Variants in KLHL21 observed in about 807,000 individuals in gnomAD.
KLHL21 encodes kelch-like protein 21.
Under a neutral mutation model 44.1 loss-of-function variants are expected in KLHL21, and 42 were observed. That is an observed-to-expected ratio of 0.95 (90% confidence interval 0.74 to 1.23). KLHL21 has a LOEUF of 1.23. Among genes scored for constraint, KLHL21 ranks in the 50% most tolerant of loss-of-function variants. The probability of loss-of-function intolerance (pLI) is 0.00; values close to 1 mark genes in which losing one functional copy is unlikely to be tolerated. For synonymous variants in KLHL21, 524 were observed against 411.6 expected, an observed-to-expected ratio of 1.27 and a Z score of -3.31; for missense variants, 918 against 889.1, an observed-to-expected ratio of 1.03 and a Z score of -0.41.
rs762618704 is a variant in KLHL21, at chr1:6,593,488, G to A, written c.1671C>T (p.Ser557=). The A allele has an allele frequency of 6.2e-7, 1 of 1,613,816 alleles. No homozygotes were observed. The highest frequency in any genetic ancestry group is 1.3e-5 in the African/African-American group (1 of 75,068). Residue 557 remains serine (S), a synonymous_variant, in exon 4 of 4, where the codon AGC becomes AGT. Coordinates refer to ENST00000377658, the MANE Select transcript of KLHL21 (RefSeq NM_014851.4). ...PEPTFWHGSV[S]IFRQFMPQTF... ...TCTGGGGCATGAACTGGCGGAAGAT[G>A]CTGACACTGCCATGCCAGAAGGTGG...
At chr1:6,599,019 A>T in intron 2 of KLHL21, 28 bp downstream of exon 2, 1 of 1,543,956 alleles carries the variant, frequency 6.5e-7, no homozygotes, top group Admixed American at 1.9e-5. Flanking sequence ...CACCAAACAC[A>T]CAGTGGGGCT....
At chr1:6,598,620 C>T (rs937931224) in intron 2 of KLHL21, among the ~76,000 whole-genome samples, 8 of 151,484 alleles carry the variant, frequency 5.3e-5, no homozygotes, top group African/African-American at 1.9e-4. Context: ...CAGTGGCTCA[C>T]GCCCGTAATC....
In KLHL21 at chr1:6,592,546, C is replaced by A. The variant is rs1640864807; in HGVS notation, c.*819G>T. On this transcript the variant is annotated 3_prime_UTR_variant, in exon 4 of 4. Transcript: ENST00000377658. The stretch of plus-strand genomic sequence containing the variant: ...CCAACCACCAAAGCCACCTCCTGCC[C>A]AGGACTTCCTTTAGAAGCAGTGGGA... 1 of 152,380 alleles carries A rather than the reference C, an allele frequency of 6.6e-6. No homozygotes were observed. Among genetic ancestry groups the A allele is most frequent in the South Asian group, 2.1e-4 (1 of 4,826 alleles). The allele number at this position is 152,380 out of a possible 1,614,324, so 9.4% of individuals were successfully genotyped here. A position where few individuals can be genotyped will look rare whatever the true frequency, so the allele number is the denominator to read the frequency against.
At chr1:6,595,873 C>A (rs553434364) in intron 2 of KLHL21, among the ~76,000 whole-genome samples, 6 of 152,206 alleles carry the variant, frequency 3.9e-5, no homozygotes, top group African/African-American at 1.4e-4. Context: ...CCCCCACCCC[C>A]CAAGCCTACA....
In KLHL21 at chr1:6,599,306, C is replaced by T. The variant is rs538024704; in HGVS notation, c.1168G>A (p.Asp390Asn). ...GTGTGGTCATAGCGCTCGGTGCTGT[C>T]GGCGGCCACCACGTACAGCAGTCCG... ...LDGLLYVVAA[D>N]STERYDHTTD... Residue 390 changes from aspartate (D) to asparagine (N), a missense_variant, in exon 2 of 4, where the codon GAC becomes AAC. Physicochemically the swap from Asp to Asn is conservative, Grantham distance 23. Coordinates refer to ENST00000377658, the MANE Select transcript of KLHL21 (RefSeq NM_014851.4). 33 of 1,613,964 alleles carry T rather than the reference C, an allele frequency of 2.0e-5. No homozygotes were observed. The highest frequency in any genetic ancestry group is 9.3e-5 in the African/African-American group (7 of 75,048).
In KLHL21 at chr1:6,602,496, G is replaced by A; in HGVS notation, c.322C>T (p.Pro108Ser). 1.9e-6 allele frequency: 3 copies of A among 1,550,232 alleles called. No individual in the cohort carries two copies. Among genetic ancestry groups the A allele is most frequent in the South Asian group, 1.2e-5 (1 of 85,068 alleles). ...AGCAGGTCGGCGGCGCGCAGCAGCG[G>A]CTCAGCGTTGTCGCCGCTTACCGCC... ...RVAVSGDNAE[P>S]LLRAADLLQF... Residue 108 changes from proline to serine, a missense_variant, in exon 1 of 4, where the codon CCG (proline) becomes TCG (serine). Physicochemically the swap from Pro to Ser is moderately conservative, Grantham distance 74. Coordinates refer to ENST00000377658, the MANE Select transcript of KLHL21 (RefSeq NM_014851.4).
intron 2 of KLHL21, among the ~76,000 whole-genome samples, chr1:6,598,431 A>G (rs1412329559): frequency 1.3e-5 from 2 of 152,106 alleles, no homozygotes; most frequent in Non-Finnish European, 2.9e-5. Context: ...TCAGCCAGGC[A>G]TGGTGGCACA....
intron 2 of KLHL21, among the ~76,000 whole-genome samples, chr1:6,597,188 T>A (rs1483799863): frequency 1.3e-5 from 2 of 151,814 alleles, no homozygotes; most frequent in African/African-American, 4.8e-5. Flanking sequence ...CACGTGCAAG[T>A]GGCTTAGGAA....
rs1400056097 is a variant in KLHL21, at chr1:6,591,171, C to T, written c.*2194G>A. On this transcript the variant is annotated 3_prime_UTR_variant, in exon 4 of 4. Transcript: ENST00000377658. Reference sequence around the variant, plus strand: ...AGCTGGTGTCCACAGGCTAGAGGGACCCATTGCTGCAGAGGCTGGTGCCTG... The same window carrying T: ...AGCTGGTGTCCACAGGCTAGAGGGATCCATTGCTGCAGAGGCTGGTGCCTG... The T allele has an allele frequency of 5.1e-6, 2 of 395,742 alleles. No individual in the cohort carries two copies. Among genetic ancestry groups the T allele is most frequent in the Non-Finnish European group, 8.9e-6 (2 of 224,876 alleles). 24.5% of individuals were successfully genotyped at this position (395,742 alleles called of 1,614,324 possible).
At chr1:6,596,006 C>T (rs191042787) in intron 2 of KLHL21, among the ~76,000 whole-genome samples, 87 of 152,342 alleles carry the variant, frequency 5.7e-4, no homozygotes, top group Non-Finnish European at 4.3e-4. Flanking sequence ...CTGTTCACTA[C>T]TATGTTGAAG....
At chr1:6,601,694 C>CCCCTA in intron 1 of KLHL21, 103 bp downstream of exon 1, 1 of 1,444,006 alleles carries the variant, frequency 6.9e-7, no homozygotes, top group Non-Finnish European at 9.1e-7. Context: ...CTCAGGTGCG[C>CCCCTA]CCCTAGGATT....
chr1:6,596,609 ATT>A, intron 2 of KLHL21, among the ~76,000 whole-genome samples: 1 of 152,206 alleles, frequency 6.6e-6, no homozygotes, highest in Non-Finnish European at 1.5e-5. Flanking sequence ...GTTATTCCTG[ATT>A]TTTTGCCCCC....
chr1:6,602,379 C>A lies in KLHL21; in HGVS notation c.439G>T (p.Ala147Ser). ...NCLDMQDFAE[A>S]FSCSGLASAA... is the part of the protein sequence containing the mutation. ...CTCGCCAGTCCCGAGCAGCTGAAGGCCTCAGCGAAGTCCTGCATGTCCAGG... is the reference window on the plus strand; with the variant it reads ...CTCGCCAGTCCCGAGCAGCTGAAGGACTCAGCGAAGTCCTGCATGTCCAGG... Residue 147 changes from alanine to serine, a missense_variant, in exon 1 of 4, where the codon GCC (alanine) becomes TCC (serine). Coordinates refer to ENST00000377658, the MANE Select transcript of KLHL21 (RefSeq NM_014851.4). The A allele has an allele frequency of 1.3e-6, 2 of 1,589,674 alleles. No individual in the cohort carries two copies.
Position 6,602,033 on chromosome 1 carries a change from G to A in KLHL21, c.785C>T (p.Ala262Val). The A allele has an allele frequency of 6.5e-7, 1 of 1,529,400 alleles. No homozygotes were observed. Among genetic ancestry groups the A allele is most frequent in the Non-Finnish European group, 8.8e-7 (1 of 1,136,510 alleles). 94.7% of individuals were successfully genotyped at this position (1,529,400 alleles called of 1,614,324 possible). Residue 262 changes from alanine (A) to valine (V), a missense_variant, in exon 1 of 4, where the codon GCG becomes GTG. Physicochemically the swap from Ala to Val is moderately conservative, Grantham distance 64. Coordinates refer to ENST00000377658, the MANE Select transcript of KLHL21 (RefSeq NM_014851.4). ...GCGGTCGTGGCGGTCGTAGCGCGCC[G>A]CCTGGAAGTCGCGCGCCTCGCGCAG... ...RLLREARDFQAARYDRHDRGP... is the reference protein window; with the variant it reads ...RLLREARDFQVARYDRHDRGP...
At chr1:6,595,404 C>T in intron 3 of KLHL21, 81 bp downstream of exon 3, 2 of 1,314,764 alleles carry the variant, frequency 1.5e-6, no homozygotes, top group Non-Finnish European at 2.2e-6. Context: ...CTGTGGATCC[C>T]AAACACTCAT....
Position 6,593,438 on chromosome 1 carries a change from T to C in KLHL21, c.1721A>G (p.Glu574Gly), listed in dbSNP as rs1196890217. 1.2e-5 allele frequency: 20 copies of C among 1,612,932 alleles called. No individual in the cohort carries two copies. Among genetic ancestry groups the C allele is most frequent in the Non-Finnish European group, 1.7e-5 (20 of 1,179,876 alleles). The change falls in exon 4 of 4, where the codon GAG becomes GGG. Residue 574 changes from glutamate (E) to glycine (G), a missense_variant. By Grantham distance (98) the Glu-to-Gly change is moderately conservative. Coordinates refer to ENST00000377658, the MANE Select transcript of KLHL21 (RefSeq NM_014851.4). ...CATGTCATCGCTGCCACTGTCCAAC[T>C]CGAAGCCACGCCCACCCGAGAAGGT... Reference protein sequence around the residue: ...PQTFSGGRGFELDSGSDDMDP... With the variant: ...PQTFSGGRGFGLDSGSDDMDP...
At position 6,599,133 on chromosome 1, in the gene KLHL21, C is replaced by T. The variant is rs1246138953; in HGVS notation, c.1341G>A (p.Leu447=). The T allele has an allele frequency of 8.7e-6, 14 of 1,613,756 alleles. No individual in the cohort carries two copies. The highest frequency in any genetic ancestry group is 1.2e-5 in the Non-Finnish European group (14 of 1,179,956). ...GCTGGCCGCAGTCCACCAGCGACCA[C>T]AGGTCGGTGTCCGGGTCGTAGCACT... ...VMQCYDPDTD[L]WSLVDCGQLP... Residue 447 remains leucine, a synonymous_variant, in exon 2 of 4, where the codon CTG becomes CTA. Coordinates refer to ENST00000377658, the MANE Select transcript of KLHL21 (RefSeq NM_014851.4).
At position 6,593,324 on chromosome 1, in the gene KLHL21, C is replaced by G. The variant is rs1429756400; in HGVS notation, c.*41G>C. The G allele has an allele frequency of 6.6e-7, 1 of 1,520,252 alleles. No homozygotes were observed. The highest frequency in any genetic ancestry group is 8.8e-7 in the Non-Finnish European group (1 of 1,133,986). The allele number at this position is 1,520,252 out of a possible 1,614,324, so 94.2% of individuals were successfully genotyped here. ...AGTGGGGCACTGCCCCGCAGAGGTG[C>G]CAGTTACCTGCACCGAGGCCCGTGC... is the stretch of plus-strand genomic sequence containing the variant. On this transcript the variant is annotated 3_prime_UTR_variant, in exon 4 of 4. Transcript: ENST00000377658.
At chr1:6,598,209 A>G (rs1047725174) in intron 2 of KLHL21, among the ~76,000 whole-genome samples, 3 of 152,174 alleles carry the variant, frequency 2.0e-5, no homozygotes, top group African/African-American at 7.2e-5. Flanking sequence ...GAAATGTGAG[A>G]CGATTGTTTG....
Sources: allele counts gnomAD v4.1 joint callset (sites outside exome capture counted in the v4.1 genomes callset), GRCh38; gene constraint gnomAD v4.1.1; transcripts MANE v1.5; gene names NCBI Gene and HGNC (gene_info 2026-07-23, HGNC 2026-07-21).